COG6: variants seen among roughly 807,000 people sequenced by gnomAD.
COG6 encodes conserved oligomeric Golgi complex subunit 6.
In COG6, 74 loss-of-function variants were observed where a neutral mutation model predicts 88.8. The observed-to-expected ratio is 0.83, with a 90% confidence interval of 0.69 to 1.01. The LOEUF (loss-of-function observed/expected upper bound fraction) is 1.01, where lower values mean the gene tolerates loss of function less well. Ranked by LOEUF, COG6 falls within the 50% of genes least tolerant of loss-of-function variation. The probability of loss-of-function intolerance (pLI) is 0.00; values close to 1 mark genes in which losing one functional copy is unlikely to be tolerated. For synonymous variants in COG6, 286 were observed against 278.7 expected, an observed-to-expected ratio of 1.03 and a Z score of -0.26; for missense variants, 800 against 797.9, an observed-to-expected ratio of 1.00 and a Z score of -0.03.
At chr13:39,684,344 G>A (rs1306037570) in intron 8 of COG6, among the ~76,000 whole-genome samples, 1 of 141,082 alleles carries the variant, frequency 7.1e-6, no homozygotes, top group East Asian at 2.3e-4. Context: ...CGCCCCCTGG[G>A]GTTCACGCCA....
At chr13:39,775,424 C>T (rs1010628052) in intron 18 of COG6, among the ~76,000 whole-genome samples, 2 of 152,210 alleles carry the variant, frequency 1.3e-5, no homozygotes, top group Non-Finnish European at 2.9e-5. Flanking sequence ...TTTCTCCACA[C>T]ACTCTACCCA....
chr13:39,662,542 G>A (rs527759694), intron 3 of COG6, among the ~76,000 whole-genome samples: 17 of 152,196 alleles, frequency 1.1e-4, no homozygotes, highest in South Asian at 4.1e-4. Context: ...TTTATGAATG[G>A]TAATAAACTG....
At chr13:39,702,676 A>G (rs1593436897) in intron 13 of COG6, among the ~76,000 whole-genome samples, 1 of 152,060 alleles carries the variant, frequency 6.6e-6, no homozygotes, top group Non-Finnish European at 1.5e-5. Flanking sequence ...ATACTTTTAA[A>G]TAATAACCAC....
At chr13:39,736,865 G>C (rs1879774287) in intron 18 of COG6, among the ~76,000 whole-genome samples, 1 of 152,134 alleles carries the variant, frequency 6.6e-6, no homozygotes, top group Non-Finnish European at 1.5e-5. Context: ...TGTTTTCCTG[G>C]ATGGTCTTGA....
intron 7 of COG6, among the ~76,000 whole-genome samples, chr13:39,680,878 A>C (rs1396197664): frequency 6.6e-6 from 1 of 152,150 alleles, no homozygotes; most frequent in Non-Finnish European, 1.5e-5. Context: ...CCTTGGACCC[A>C]CTTGGGTAAT....
intron 18 of COG6, among the ~76,000 whole-genome samples, chr13:39,788,033 T>C (rs1379764611): frequency 6.6e-6 from 1 of 152,160 alleles, no homozygotes; most frequent in African/African-American, 2.4e-5. Context: ...TGCTATGGAA[T>C]TTCAGCCACT....
intron 18 of COG6, among the ~76,000 whole-genome samples, chr13:39,782,105 G>A (rs1881647202): frequency 6.6e-6 from 1 of 152,140 alleles, no homozygotes; most frequent in Non-Finnish European, 1.5e-5. Context: ...CACATATTGG[G>A]TAAAGGGGAA....
chr13:39,767,866 A>G (rs1176877132), intron 18 of COG6, among the ~76,000 whole-genome samples: 1 of 152,206 alleles, frequency 6.6e-6, no homozygotes, highest in Non-Finnish European at 1.5e-5. Context: ...CAGCAAAGGG[A>G]TAGAAAAGCA....
chr13:39,779,269 GATTACTAA>G (rs1221508059), intron 18 of COG6, among the ~76,000 whole-genome samples: 8 of 152,178 alleles, frequency 5.3e-5, no homozygotes, highest in African/African-American at 1.9e-4. Flanking sequence ...CAATGATGCT[GATTACTAA>G]TTCTATTCTA....
chr13:39,734,237 C>A (rs986583833), intron 18 of COG6, among the ~76,000 whole-genome samples: 1 of 152,038 alleles, frequency 6.6e-6, no homozygotes, highest in African/African-American at 2.4e-5. Context: ...TAGGCACTTA[C>A]AGCTACAAAG....
intron 3 of COG6, 130 bp from the exon 4 acceptor site, chr13:39,664,966 T>C: frequency 3.1e-6 from 2 of 638,018 alleles, no homozygotes; most frequent in Non-Finnish European, 5.7e-6. Context: ...TATTTCATTT[T>C]ATTGTGCTTT....
chr13:39,688,655 G>A (rs1876808005), intron 10 of COG6, among the ~76,000 whole-genome samples: 1 of 151,970 alleles, frequency 6.6e-6, no homozygotes, highest in Non-Finnish European at 1.5e-5. Context: ...AATTTAGAGG[G>A]GACAAACATC....
intron 12 of COG6, 81 bp from the exon 13 acceptor site, chr13:39,699,420 C>T (rs914130261): frequency 1.4e-6 from 1 of 696,754 alleles, no homozygotes; most frequent in Non-Finnish European, 2.6e-6. Context: ...AAATCTAGAT[C>T]CTTTTAAAGC....
At chr13:39,696,271 A>G (rs1336461670) in intron 12 of COG6, among the ~76,000 whole-genome samples, 1 of 152,002 alleles carries the variant, frequency 6.6e-6, no homozygotes, top group Admixed American at 6.6e-5. Flanking sequence ...GGAAACAGTA[A>G]TTAACAAAAC....
chr13:39,668,518 G>A (rs1875409588), intron 4 of COG6, among the ~76,000 whole-genome samples: 1 of 152,266 alleles, frequency 6.6e-6, no homozygotes, highest in Non-Finnish European at 1.5e-5. Context: ...GCCGGGCGCC[G>A]TAGCTCACAC....
intron 7 of COG6, among the ~76,000 whole-genome samples, chr13:39,680,863 G>C (rs180781420): frequency 6.6e-6 from 1 of 152,266 alleles, no homozygotes; most frequent in East Asian, 1.9e-4. Flanking sequence ...AGGCCTGTGT[G>C]ATTACCTTGG....
chr13:39,661,778 T>G (rs1178355807), intron 3 of COG6, among the ~76,000 whole-genome samples: 1 of 151,560 alleles, frequency 6.6e-6, no homozygotes, highest in African/African-American at 2.4e-5. Context: ...TATATTTACT[T>G]TATTCCTCAG....
intron 3 of COG6, among the ~76,000 whole-genome samples, chr13:39,661,104 G>A (rs1874869772): frequency 6.6e-6 from 1 of 152,144 alleles, no homozygotes; most frequent in South Asian, 2.1e-4. Context: ...GGTCTAGCCA[G>A]TACAGAGCTA....
intron 4 of COG6, among the ~76,000 whole-genome samples, chr13:39,669,188 C>T (rs1465826462): frequency 6.6e-6 from 1 of 152,150 alleles, no homozygotes; most frequent in Non-Finnish European, 1.5e-5. Context: ...TGTGCCTTCA[C>T]CATAAAATTA....
Sources: gnomAD v4.1 joint callset for allele counts (sites outside exome capture counted in the v4.1 genomes callset) on GRCh38, gnomAD v4.1.1 for gene constraint, MANE v1.5 for transcripts, NCBI Gene and HGNC (gene_info 2026-07-23, HGNC 2026-07-21) for gene names.